Variants in DRC4 observed in about 807,000 individuals in gnomAD.
DRC4 encodes GAS-11.
At chr16:90,033,555 A>G in the DRC4 span, among the ~76,000 whole-genome samples, 1 of 152,226 alleles carries the variant, frequency 6.6e-6, no homozygotes, top group African/African-American at 2.4e-5. Flanking sequence ...AGTTTCAGCT[A>G]CTTGGGAGGC....
chr16:90,042,806 G>GGCTGTGCCC, the DRC4 span: 1 of 527,336 alleles, frequency 1.9e-6, no homozygotes, highest in Non-Finnish European at 3.4e-6. Flanking sequence ...CTTCCCCTGG[G>GGCTGTGCCC]CAGGGAGTCA....
the DRC4 span, chr16:90,044,608 A>G: frequency 4.2e-6 from 2 of 471,082 alleles, no homozygotes; most frequent in African/African-American, 2.0e-5. Context: ...GACAGTGACC[A>G]TCTGGGTCTG....
the DRC4 span, among the ~76,000 whole-genome samples, chr16:90,028,476 C>G: frequency 2.6e-5 from 4 of 152,162 alleles, no homozygotes; most frequent in Non-Finnish European, 5.9e-5. Flanking sequence ...GCATGAGCCA[C>G]CACGCCTGGC....
At chr16:90,034,001 G>A in the DRC4 span, among the ~76,000 whole-genome samples, 1 of 151,660 alleles carries the variant, frequency 6.6e-6, no homozygotes, top group South Asian at 2.1e-4. Context: ...ACTGGAGACG[G>A]GTCAGAGCTC....
At chr16:90,027,379 C>T in the DRC4 span, among the ~76,000 whole-genome samples, 16 of 152,330 alleles carry the variant, frequency 1.1e-4, 1 homozygote, top group South Asian at 2.7e-3. Flanking sequence ...TGAGCCACCA[C>T]GCCCGGCTCC....
the DRC4 span, chr16:90,022,538 G>T: frequency 4.2e-5 from 23 of 543,994 alleles, no homozygotes; most frequent in Non-Finnish European, 5.7e-5. Flanking sequence ...TCACAACCGG[G>T]TTCCTTCCGG....
the DRC4 span, chr16:90,037,685 C>G: frequency 7.0e-7 from 1 of 1,421,198 alleles, no homozygotes; most frequent in Non-Finnish European, 9.9e-7. Context: ...GCCTTGCCAT[C>G]TCCCAGGAGC....
At chr16:90,033,453 A>G in the DRC4 span, among the ~76,000 whole-genome samples, 1 of 152,332 alleles carries the variant, frequency 6.6e-6, no homozygotes, top group South Asian at 2.1e-4. Context: ...GGTTGAGGCC[A>G]ATAGTTTGAG....
At chr16:90,027,959 A>G in the DRC4 span, 1 of 524,522 alleles carries the variant, frequency 1.9e-6, no homozygotes, top group East Asian at 3.0e-5. Flanking sequence ...GGAGTGTGGA[A>G]GGACATGCTT....
At chr16:90,038,044 A>G in the DRC4 span, among the ~76,000 whole-genome samples, 1 of 152,222 alleles carries the variant, frequency 6.6e-6, no homozygotes, top group Non-Finnish European at 1.5e-5. Flanking sequence ...CTGAAGCTGG[A>G]GGCCCTGTTC....
the DRC4 span, chr16:90,020,188 A>T: frequency 4.0e-6 from 2 of 502,292 alleles, no homozygotes; most frequent in South Asian, 2.8e-5. Flanking sequence ...TCTCAAAGAA[A>T]GTCCGTTTGC....
At chr16:90,025,670 A>G in the DRC4 span, among the ~76,000 whole-genome samples, 1 of 146,372 alleles carries the variant, frequency 6.8e-6, no homozygotes, top group Non-Finnish European at 1.5e-5. Flanking sequence ...AAAAAAAAAA[A>G]AAAGAGAGTT....
At chr16:90,019,959 A>G in the DRC4 span, 1 of 694,874 alleles carries the variant, frequency 1.4e-6, no homozygotes. The surrounding 1 kb of genome is among the most constrained non-coding windows in gnomAD (Gnocchi z 6.1). Context: ...GGGGGATGGG[A>G]GGTAAGGAGA....
the DRC4 span, chr16:90,040,223 G>T: frequency 1.4e-6 from 2 of 1,387,242 alleles, no homozygotes; most frequent in Non-Finnish European, 2.0e-6. Context: ...AGGTGCAGAG[G>T]TGGGAGGCAG....
chr16:90,021,121 C>G, the DRC4 span, among the ~76,000 whole-genome samples: 2 of 152,226 alleles, frequency 1.3e-5, no homozygotes, highest in Admixed American at 6.5e-5. Flanking sequence ...CAAGCTGAGC[C>G]AATGCAGTTC....
chr16:90,030,507 A>ATT, the DRC4 span, among the ~76,000 whole-genome samples: 24 of 118,956 alleles, frequency 2.0e-4, no homozygotes, highest in African/African-American at 3.8e-4. Context: ...CTCCTGGCTA[A>ATT]TTTTTTTTTT....
the DRC4 span, chr16:90,042,650 GC>G: frequency 1.2e-6 from 1 of 832,742 alleles, no homozygotes; most frequent in Non-Finnish European, 2.0e-6. Flanking sequence ...GTTTGACAAG[GC>G]AGCTGTCACT....
At chr16:90,043,951 G>T in the DRC4 span, 3 of 420,668 alleles carry the variant, frequency 7.1e-6, no homozygotes, top group African/African-American at 4.1e-5. Context: ...CCAGGGGCAC[G>T]TGGAACTTCT....
At chr16:90,033,763 G>C in the DRC4 span, among the ~76,000 whole-genome samples, 3 of 152,124 alleles carry the variant, frequency 2.0e-5, no homozygotes, top group African/African-American at 7.2e-5. Context: ...GTCTAGAAAG[G>C]AGAGACAACA....
Sources: allele counts gnomAD v4.1 joint callset (sites outside exome capture counted in the v4.1 genomes callset), GRCh38; gene constraint gnomAD v4.1.1; non-coding constraint Gnocchi (gnomAD v3.1); transcripts MANE v1.5; gene names NCBI Gene and HGNC (gene_info 2026-07-23, HGNC 2026-07-21).